The following MYT1L variants were observed in gnomAD, a reference collection of about 807,000 sequenced individuals.
MYT1L encodes the protein myelin transcription factor 1-like protein.
In MYT1L, 12 loss-of-function variants were observed where a neutral mutation model predicts 126.7. That is an observed-to-expected ratio of 0.09 (90% CI 0.06 to 0.15). MYT1L has a LOEUF of 0.15. MYT1L is among the 10% of genes least tolerant of loss of function. The probability of loss-of-function intolerance (pLI) is 1.00; values close to 1 mark genes in which losing one functional copy is unlikely to be tolerated. For synonymous variants in MYT1L, 541 were observed against 604.2 expected, an observed-to-expected ratio of 0.90 and a Z score of 1.53; for missense variants, 979 against 1,585.2, an observed-to-expected ratio of 0.62 and a Z score of 6.49.
chr2:2,292,197 C>T (rs1225140440), intron 1 of MYT1L, among the ~76,000 whole-genome samples: 1 of 152,174 alleles, frequency 6.6e-6, no homozygotes, highest in Non-Finnish European at 1.5e-5. Flanking sequence ...TGGGGGCGGG[C>T]GCAGGGGCCT....
intron 4 of MYT1L, among the ~76,000 whole-genome samples, chr2:2,002,204 A>G (rs1232490725): frequency 6.6e-6 from 1 of 152,112 alleles, no homozygotes; most frequent in East Asian, 1.9e-4. Flanking sequence ...CACCGGTGTA[A>G]CTTAGCTGGG....
chr2:2,212,266 T>C (rs2093548429), intron 2 of MYT1L, among the ~76,000 whole-genome samples: 1 of 132,854 alleles, frequency 7.5e-6, no homozygotes, highest in Admixed American at 7.1e-5. Flanking sequence ...CCCACATCGA[T>C]ATTCAAACTC....
intron 4 of MYT1L, among the ~76,000 whole-genome samples, chr2:2,000,992 G>C (rs986784376): frequency 6.6e-6 from 1 of 152,098 alleles, no homozygotes; most frequent in Admixed American, 6.6e-5. Context: ...CAGGTCTAGG[G>C]TCTTCTCTTC....
chr2:2,080,880 T>C (rs1427245643), intron 3 of MYT1L, among the ~76,000 whole-genome samples: 1 of 152,220 alleles, frequency 6.6e-6, no homozygotes, highest in Non-Finnish European at 1.5e-5. Flanking sequence ...ATGGACATTA[T>C]GCTAAATGAA....
chr2:1,831,954 C>T (rs1269940420), intron 21 of MYT1L, among the ~76,000 whole-genome samples: 1 of 152,090 alleles, frequency 6.6e-6, no homozygotes, highest in African/African-American at 2.4e-5. Context: ...TCCCGAGGCC[C>T]GTTACCAGCT....
At position 1,910,691 on chromosome 2, in the gene MYT1L, A is replaced by C. The variant is rs867400612; in HGVS notation, c.1710-344T>G. 3.8e-4 allele frequency among the ~76,000 whole-genome samples: 58 copies of C among 152,250 alleles called. No individual in the cohort carries two copies. Among genetic ancestry groups the C allele is most frequent in the Admixed American group, 1.0e-3 (16 of 15,298 alleles). ...TTCCATTTCTGGAGATGAAGAATTAACAGCTTGGGTAGGATGAGTTTTGAA... is the reference window on the plus strand; with the variant it reads ...TTCCATTTCTGGAGATGAAGAATTACCAGCTTGGGTAGGATGAGTTTTGAA... On this transcript the variant is annotated intron_variant, in intron 12 of 24. Transcript: ENST00000647738. This position sits in a 1 kb window ranked among gnomAD's most constrained non-coding sequence, Gnocchi z 4.8.
At chr2:2,040,293 T>C (rs2067383932) in intron 4 of MYT1L, among the ~76,000 whole-genome samples, 1 of 152,214 alleles carries the variant, frequency 6.6e-6, no homozygotes, top group African/African-American at 2.4e-5. Context: ...AATACATTCT[T>C]GTACATGCAA....
intron 21 of MYT1L, among the ~76,000 whole-genome samples, chr2:1,822,162 G>T (rs2038634696): frequency 6.6e-6 from 1 of 152,174 alleles, no homozygotes; most frequent in South Asian, 2.1e-4. Flanking sequence ...GCTGAGGCCT[G>T]AGCCATGTGT....
intron 2 of MYT1L, among the ~76,000 whole-genome samples, chr2:2,195,037 A>G (rs12474807): frequency 0.17 from 26,379 of 152,184 alleles, 2,464 homozygotes; most frequent in African/African-American, 0.26. Flanking sequence ...CCCTGCTGAT[A>G]ATAATTAGAA....
intron 18 of MYT1L, among the ~76,000 whole-genome samples, chr2:1,878,023 G>C (rs762224248): frequency 6.6e-6 from 1 of 152,170 alleles, no homozygotes; most frequent in Middle Eastern, 3.2e-3. Context: ...TAATTACGTC[G>C]GGTTTATTTA....
chr2:2,002,334 C>T (rs1016215588), intron 4 of MYT1L, among the ~76,000 whole-genome samples: 4 of 152,190 alleles, frequency 2.6e-5, no homozygotes, highest in African/African-American at 9.6e-5. Context: ...CTCATCACCA[C>T]TTATGGTAAT....
chr2:1,872,061 G>A (rs2046345834), intron 18 of MYT1L, among the ~76,000 whole-genome samples: 1 of 152,200 alleles, frequency 6.6e-6, no homozygotes, highest in Non-Finnish European at 1.5e-5. Context: ...CCGCATGAAG[G>A]TGGAGCTAGT....
At chr2:1,894,494 T>G (rs1223775181) in intron 14 of MYT1L, among the ~76,000 whole-genome samples, 1 of 152,188 alleles carries the variant, frequency 6.6e-6, no homozygotes, top group Non-Finnish European at 1.5e-5. Context: ...TTACATAATT[T>G]ACAATTTTGT....
chr2:1,830,260 C>A (rs1223356104), intron 21 of MYT1L, among the ~76,000 whole-genome samples: 1 of 152,138 alleles, frequency 6.6e-6, no homozygotes, highest in Non-Finnish European at 1.5e-5. Flanking sequence ...ACTCACAGGA[C>A]CCCAGGCAGG....
chr2:2,268,281 A>G (rs893653087), intron 2 of MYT1L, among the ~76,000 whole-genome samples: 1 of 152,190 alleles, frequency 6.6e-6, no homozygotes, highest in Non-Finnish European at 1.5e-5. Context: ...TAATACAGAA[A>G]TTTACTTTTC....
chr2:1,875,148 G>C (rs1026266378), intron 18 of MYT1L, among the ~76,000 whole-genome samples: 5 of 152,204 alleles, frequency 3.3e-5, no homozygotes, highest in African/African-American at 9.7e-5. Context: ...CTACCCCAAG[G>C]CTTCTATGTT....
At chr2:2,115,526 CAATG>C (rs1373525310) in intron 3 of MYT1L, among the ~76,000 whole-genome samples, 1 of 152,162 alleles carries the variant, frequency 6.6e-6, no homozygotes, top group Non-Finnish European at 1.5e-5. Flanking sequence ...AGCGAAGTGA[CAATG>C]AACAGAATGC....
chr2:1,850,560 G>A (rs779051263), intron 19 of MYT1L, among the ~76,000 whole-genome samples: 19 of 152,074 alleles, frequency 1.2e-4, no homozygotes, highest in Admixed American at 2.6e-4. Flanking sequence ...GTTCACAAAG[G>A]TTTTCTTCTT....
chr2:2,127,710 T>C (rs773661885), intron 3 of MYT1L, among the ~76,000 whole-genome samples: 1 of 152,196 alleles, frequency 6.6e-6, no homozygotes, highest in Non-Finnish European at 1.5e-5. Context: ...AGTGCTCCAC[T>C]GAGCTGCTGG....
Sources: gnomAD v4.1 joint callset for allele counts (sites outside exome capture counted in the v4.1 genomes callset) on GRCh38, gnomAD v4.1.1 for gene constraint, Gnocchi (gnomAD v3.1) non-coding constraint, MANE v1.5 for transcripts, NCBI Gene and HGNC (gene_info 2026-07-23, HGNC 2026-07-21) for gene names.